Variants in PKLR observed in about 807,000 individuals in gnomAD.
PKLR encodes pyruvate kinase PKLR.
A neutral mutation model predicts 53.6 loss-of-function variants in PKLR; 38 were observed. The observed-to-expected ratio is 0.71, with a 90% confidence interval of 0.55 to 0.93. The LOEUF (loss-of-function observed/expected upper bound fraction) is 0.93, where lower values mean the gene tolerates loss of function less well. PKLR is among the 40% of genes least tolerant of loss of function. PKLR has a pLI of 0.00. For synonymous variants in PKLR, 328 were observed against 316.2 expected (o/e 1.04, Z -0.39); for missense variants, 702 against 787.3 (o/e 0.89, Z 1.30).
chr1:155,293,309 C>T lies in PKLR; in HGVS notation c.1304G>A (p.Arg435Gln), dbSNP rs1189319617. The change falls in exon 9 of 11, where the codon CGG becomes CAG. Residue 435 changes from arginine to glutamine, a missense_variant. Arg to Gln is a conservative substitution (Grantham distance 43, BLOSUM62 1). Transcript: ENST00000342741. The surrounding 1 kb of genome is among the most constrained non-coding windows in gnomAD (Gnocchi z 4.2). ...AREAEAAVYH[R>Q]QLFEELRRAA... ...CCGACGTAGCTCCTCAAACAGCTGC[C>T]GGTGGTACACTGCGGCCTCTGCCTC... is the stretch of plus-strand genomic sequence containing the variant. 7.4e-6 allele frequency: 12 copies of T among 1,614,130 alleles called. No homozygotes were observed. The highest frequency in any genetic ancestry group is 4.5e-5 in the East Asian group (2 of 44,900).
At chr1:155,308,566 T>G in the PKLR span, 1 of 985,442 alleles carries the variant, frequency 1.0e-6, no homozygotes, top group Non-Finnish European at 1.2e-6. Context: ...GCCAATCAGC[T>G]GCCCAGGAAG....
chr1:155,298,121 C>T (rs954371854), intron 2 of PKLR, among the ~76,000 whole-genome samples: 1 of 152,122 alleles, frequency 6.6e-6, no homozygotes, highest in African/African-American at 2.4e-5. Context: ...TCTCTGCTCC[C>T]TGCCTTCCAG....
Position 155,293,466 on chromosome 1 carries a change from G to A in PKLR, c.1241C>T (p.Pro414Leu). 1.2e-6 allele frequency: 2 copies of A among 1,614,222 alleles called. No homozygotes were observed. Among genetic ancestry groups the A allele is most frequent in the Non-Finnish European group, 1.7e-6 (2 of 1,180,042 alleles). Residue 414 changes from proline (P) to leucine (L), a missense_variant, in exon 8 of 11, where the codon CCT (proline) becomes CTT (leucine). Physicochemically the swap from Pro to Leu is moderately conservative, Grantham distance 98. This residue lies in a region of PKLR where 183 missense variants were observed against 250.2 expected (regional missense o/e 0.73). Coordinates refer to ENST00000342741, the MANE Select transcript of PKLR (RefSeq NM_000298.6). This position sits in a 1 kb window ranked among gnomAD's most constrained non-coding sequence, Gnocchi z 4.2. ...ATGCTGCATCTTCACCGCTTCCACA[G>A]GGAAGTTGCCCTTGGCAGTCTCCCC... is the stretch of plus-strand genomic sequence containing the variant. ...LSGETAKGNFPVEAVKMQHAI... is the reference protein window; with the variant it reads ...LSGETAKGNFLVEAVKMQHAI...
chr1:155,307,200 A>G, the PKLR span, among the ~76,000 whole-genome samples: 1 of 152,234 alleles, frequency 6.6e-6, no homozygotes, highest in Non-Finnish European at 1.5e-5. Flanking sequence ...GGCGTGAGCC[A>G]CTGCACCCAG....
At position 155,291,802 on chromosome 1, in the gene PKLR, G is replaced by A; in HGVS notation, c.1572C>T (p.Ile524=). The A allele has an allele frequency of 6.2e-7, 1 of 1,614,156 alleles. No homozygotes were observed. The highest frequency in any genetic ancestry group is 8.5e-7 in the Non-Finnish European group (1 of 1,180,014). ...PLLYREPPEA[I]WADDVDRRVQ... Reference sequence around the variant, plus strand: ...CCCGGCGATCTACATCATCTGCCCAGATGGCTTCTGGAGGTTCACGGTAAA... The same window carrying A: ...CCCGGCGATCTACATCATCTGCCCAAATGGCTTCTGGAGGTTCACGGTAAA... The change falls in exon 10 of 11, where the codon ATC becomes ATT. Residue 524 remains isoleucine, a synonymous_variant. Coordinates refer to ENST00000342741, the MANE Select transcript of PKLR (RefSeq NM_000298.6).
At chr1:155,308,085 C>A in the PKLR span, among the ~76,000 whole-genome samples, 1 of 135,440 alleles carries the variant, frequency 7.4e-6, no homozygotes, top group African/African-American at 2.8e-5. Flanking sequence ...GAGACGGAGT[C>A]TTGCTCTGTC....
chr1:155,295,473 G>C lies in PKLR; in HGVS notation c.471C>G (p.Thr157=), dbSNP rs1647529750. The C allele has an allele frequency of 3.1e-6, 5 of 1,609,112 alleles. No individual in the cohort carries two copies. The highest frequency in any genetic ancestry group is 4.2e-6 in the Non-Finnish European group (5 of 1,177,950). ...TCCCAGTGCGGATCTCCGGTCCCTTGGTGTCCAGGGCGATGGCCACGGGCC... is the reference window on the plus strand; with the variant it reads ...TCCCAGTGCGGATCTCCGGTCCCTTCGTGTCCAGGGCGATGGCCACGGGCC... ...SYRPVAIALD[T]KGPEIRTGIL... is the part of the protein sequence containing the mutation. The change falls in exon 4 of 11, where the codon ACC becomes ACG. Residue 157 remains threonine (T), a synonymous_variant. Coordinates refer to ENST00000342741, the MANE Select transcript of PKLR (RefSeq NM_000298.6). The surrounding 1 kb of genome is among the most constrained non-coding windows in gnomAD (Gnocchi z 4.3).
chr1:155,291,025 TAATAATA>T (rs1445536441), intron 10 of PKLR, among the ~76,000 whole-genome samples: 1 of 140,028 alleles, frequency 7.1e-6, no homozygotes, highest in Non-Finnish European at 1.5e-5. Context: ...ATAATAATAA[TAATAATA>T]ATAATAATAA....
At position 155,293,869 on chromosome 1, in the gene PKLR, A is replaced by G. The variant is rs977360864; in HGVS notation, c.1117-279T>C. Among the ~76,000 whole-genome samples the G allele has an allele frequency of 6.6e-6, 1 of 152,168 alleles. No homozygotes were observed. Among genetic ancestry groups the G allele is most frequent in the African/African-American group, 2.4e-5 (1 of 41,436 alleles). ...CAGTGTGGGCTGGGTGCAGTGGCTC[A>G]CACCTGTAATCCCAGCACTTTGGGA... On this transcript the variant is annotated intron_variant, in intron 7 of 10. Coordinates refer to ENST00000342741, the MANE Select transcript of PKLR (RefSeq NM_000298.6). This position sits in a 1 kb window ranked among gnomAD's most constrained non-coding sequence, Gnocchi z 4.2.
At chr1:155,306,906 C>T in the PKLR span, among the ~76,000 whole-genome samples, 1 of 152,106 alleles carries the variant, frequency 6.6e-6, no homozygotes, top group African/African-American at 2.4e-5. The surrounding 1 kb of genome is among the most constrained non-coding windows in gnomAD (Gnocchi z 4.2). Context: ...CAGACCTTCG[C>T]GGTGAGTGTT....
At position 155,290,063 on chromosome 1, in the gene PKLR, T is replaced by C. The variant is rs1303465006; in HGVS notation, c.*509A>G. 5.9e-6 allele frequency: 1 copy of C among 169,782 alleles called. No homozygotes were observed. Among genetic ancestry groups the C allele is most frequent in the Non-Finnish European group, 1.3e-5 (1 of 78,322 alleles). The allele number at this position is 169,782 out of a possible 1,614,324, so 10.5% of individuals were successfully genotyped here. ...TCCCCAGCATCCATCCCACCCAGTTTTCCCAAAAGCGTGGACTTTCATGTA... is the reference window on the plus strand; with the variant it reads ...TCCCCAGCATCCATCCCACCCAGTTCTCCCAAAAGCGTGGACTTTCATGTA... On this transcript the variant is annotated 3_prime_UTR_variant, in exon 11 of 11. Coordinates refer to ENST00000342741, the MANE Select transcript of PKLR (RefSeq NM_000298.6).
chr1:155,301,383 C>T lies in PKLR; in HGVS notation c.13G>A (p.Glu5Lys). 6.2e-7 allele frequency: 1 copy of T among 1,614,072 alleles called. No individual in the cohort carries two copies. The highest frequency in any genetic ancestry group is 8.5e-7 in the Non-Finnish European group (1 of 1,179,990). Reference sequence around the variant, plus strand: ...CGAAGCTGCAGGGATGATATGTTCTCCTGGATCGACATGCTTTCAGTGTGG... The same window carrying T: ...CGAAGCTGCAGGGATGATATGTTCTTCTGGATCGACATGCTTTCAGTGTGG... MSIQ[E>K]NISSLQLRSW... Residue 5 changes from glutamate (E) to lysine (K), a missense_variant, in exon 1 of 11, where the codon GAG becomes AAG. Physicochemically the swap from Glu to Lys is moderately conservative, Grantham distance 56 (BLOSUM62 1). Transcript: ENST00000342741.
Position 155,295,730 on chromosome 1 carries a change from G to A in PKLR, c.310C>T (p.Leu104Phe). The change falls in exon 3 of 11, where the codon CTC (leucine) becomes TTC (phenylalanine). Residue 104 changes from leucine (L) to phenylalanine (F), a missense_variant. Physicochemically the swap from Leu to Phe is conservative, Grantham distance 22. Coordinates refer to ENST00000342741, the MANE Select transcript of PKLR (RefSeq NM_000298.6). The surrounding 1 kb of genome is among the most constrained non-coding windows in gnomAD (Gnocchi z 4.3). Reference protein sequence around the residue: ...IGPASRSVERLKEMIKAGMNI... With the variant: ...IGPASRSVERFKEMIKAGMNI... ...ATCCCGGCCTTGATCATCTCCTTGA[G>A]GCGCTCCACGGAGCGAGATGCTGGC... is the stretch of plus-strand genomic sequence containing the variant. The A allele has an allele frequency of 6.2e-7, 1 of 1,614,118 alleles. No individual in the cohort carries two copies.
rs770019694 is a variant in PKLR at position 155,300,274 on chromosome 1, G to A, written c.107C>T (p.Ala36Val). 15 of 1,589,032 alleles carry A rather than the reference G, an allele frequency of 9.4e-6. No individual in the cohort carries two copies. The South Asian group carries it at 1.0e-4, about 11-fold the overall frequency. ...SILIGAPGGP[A>V]GYLRRASVAQ... is the part of the protein sequence containing the mutation. ...CACACTGGCCCGCCGCAGATACCCC[G>A]CTGGCCCTGTGGTAGAAGGGGGCTC... The change falls in exon 2 of 11, where the codon GCG becomes GTG. Residue 36 changes from alanine to valine, a missense_variant. Coordinates refer to ENST00000342741, the MANE Select transcript of PKLR (RefSeq NM_000298.6).
At chr1:155,307,880 G>A in the PKLR span, among the ~76,000 whole-genome samples, 1 of 152,028 alleles carries the variant, frequency 6.6e-6, no homozygotes, top group Non-Finnish European at 1.5e-5. Flanking sequence ...ACTTGAACCC[G>A]GGAAGCGAGG....
Position 155,290,271 on chromosome 1 carries a change from G to T in PKLR, c.*301C>A. The T allele has an allele frequency of 2.3e-6, 1 of 434,386 alleles. No homozygotes were observed. The highest frequency in any genetic ancestry group is 4.2e-6 in the Non-Finnish European group (1 of 235,720). 26.9% of individuals were successfully genotyped at this position (434,386 alleles called of 1,614,324 possible). A position where few individuals can be genotyped will look rare whatever the true frequency, so the allele number is the denominator to read the frequency against. On this transcript the variant is annotated 3_prime_UTR_variant, in exon 11 of 11. Transcript: ENST00000342741. ...GCCAAACTGGGATTAAAGACTCAAG[G>T]CATCTTAGGGCCTGCTGAGCAGATT...
rs1486459456 is a variant in PKLR at position 155,294,469 on chromosome 1, G to A, written c.965+13C>T. ...AGCGACAGGGCCGAAGGGGAACAGAGCCCAAGCCTCACCTCTTCACGCCTT... is the reference window on the plus strand; with the variant it reads ...AGCGACAGGGCCGAAGGGGAACAGAACCCAAGCCTCACCTCTTCACGCCTT... On this transcript the variant is annotated intron_variant, in intron 6 of 10. Coordinates refer to ENST00000342741, the MANE Select transcript of PKLR (RefSeq NM_000298.6). 6.2e-7 allele frequency: 1 copy of A among 1,614,238 alleles called. No homozygotes were observed.
At position 155,290,336 on chromosome 1, in the gene PKLR, G is replaced by A; in HGVS notation, c.*236C>T. The A allele has an allele frequency of 1.7e-6, 1 of 572,684 alleles. No individual in the cohort carries two copies. The highest frequency in any genetic ancestry group is 3.1e-6 in the Non-Finnish European group (1 of 318,570). 35.5% of individuals were successfully genotyped at this position (572,684 alleles called of 1,614,324 possible). A position where few individuals can be genotyped will look rare whatever the true frequency, so the allele number is the denominator to read the frequency against. ...TACAATTGGTGCTGTTGGGTGGCCA[G>A]TGCATAATTGGACACAGACTTTCAG... On this transcript the variant is annotated 3_prime_UTR_variant, in exon 11 of 11. Transcript: ENST00000342741.
rs1308589254 is a variant in PKLR at position 155,289,455 on chromosome 1, C to T, written c.*1117G>A. 1 of 152,248 alleles carries T rather than the reference C, an allele frequency of 6.6e-6. No homozygotes were observed. Among genetic ancestry groups the T allele is most frequent in the Non-Finnish European group, 1.5e-5 (1 of 68,048 alleles). 9.4% of individuals were successfully genotyped at this position (152,248 alleles called of 1,614,324 possible). On this transcript the variant is annotated 3_prime_UTR_variant, in exon 11 of 11. Coordinates refer to ENST00000342741, the MANE Select transcript of PKLR (RefSeq NM_000298.6). ...CATGCCAGCCTCTGTGGTCCTTGCC[C>T]AAACCCATCAGCGCAATACTTGAAC...
Sources: gnomAD v4.1 joint callset for allele counts (sites outside exome capture counted in the v4.1 genomes callset) on GRCh38, gnomAD v4.1.1 for gene constraint, gnomAD v4.1.1 regional missense constraint, Gnocchi (gnomAD v3.1) non-coding constraint, MANE v1.5 for transcripts, NCBI Gene and HGNC (gene_info 2026-07-23, HGNC 2026-07-21) for gene names.